Variants in UTRN observed in about 807,000 individuals in gnomAD.
The protein encoded by UTRN is dystrophin-related protein 1.
Under a neutral mutation model 463.9 loss-of-function variants are expected in UTRN, and 283 were observed. The observed-to-expected ratio is 0.61, with a 90% CI of 0.55 to 0.67. UTRN has a LOEUF of 0.67. Among genes scored for constraint, UTRN ranks in the 30% least tolerant of loss-of-function variants. UTRN has a pLI of 0.00. For synonymous variants in UTRN, 1,442 were observed against 1,431.5 expected (o/e 1.01, Z -0.17); for missense variants, 3,922 against 4,084.3 (o/e 0.96, Z 1.08).
At chr6:144,461,792 T>C (rs1789443693) in intron 22 of UTRN, among the ~76,000 whole-genome samples, 1 of 152,162 alleles carries the variant, frequency 6.6e-6, no homozygotes, top group Non-Finnish European at 1.5e-5. Context: ...GTTCCCTTGG[T>C]TTTTAGGGTT....
intron 46 of UTRN, among the ~76,000 whole-genome samples, chr6:144,548,359 A>C (rs1798594723): frequency 6.6e-6 from 1 of 152,342 alleles, no homozygotes; most frequent in African/African-American, 2.4e-5. Context: ...ATAAAATAAT[A>C]CTTCCAGTTC....
intron 53 of UTRN, among the ~76,000 whole-genome samples, chr6:144,703,121 G>T (rs561397313): frequency 1.6e-4 from 24 of 152,208 alleles, no homozygotes; most frequent in African/African-American, 5.3e-4. Context: ...GAAGACATTT[G>T]GAAAGAATCA....
chr6:144,630,198 TA>T (rs1776367913), intron 51 of UTRN, among the ~76,000 whole-genome samples: 2 of 151,788 alleles, frequency 1.3e-5, no homozygotes, highest in East Asian at 3.9e-4. Context: ...AAAAAATAAA[TA>T]AAAAATGAAG....
At chr6:144,824,593 TATATATATATATATATATA>T (rs1562954873) in intron 66 of UTRN, among the ~76,000 whole-genome samples, 6 of 57,668 alleles carry the variant, frequency 1.0e-4, no homozygotes, top group East Asian at 7.7e-4. Flanking sequence ...TATATATATA[TATATATATATATATATATA>T]TCTTTTTTTT....
intron 61 of UTRN, 141 bp downstream of exon 61, chr6:144,782,264 C>CATTCATATTTA (rs1775898544): frequency 2.8e-6 from 2 of 703,008 alleles, no homozygotes; most frequent in South Asian, 4.7e-5. Context: ...GTTGTTGAAA[C>CATTCATATTTA]TGAATGATTT....
chr6:144,654,701 C>T (rs1371586291), intron 51 of UTRN, among the ~76,000 whole-genome samples: 1 of 152,204 alleles, frequency 6.6e-6, no homozygotes, highest in Non-Finnish European at 1.5e-5. Context: ...GGCTTGGCCT[C>T]CTGAGATTGT....
intron 2 of UTRN, among the ~76,000 whole-genome samples, chr6:144,338,211 AT>A (rs1776883840): frequency 6.6e-6 from 1 of 152,094 alleles, no homozygotes; most frequent in Non-Finnish European, 1.5e-5. Flanking sequence ...CATAATGAGT[AT>A]TTTTAGACAT....
In UTRN at chr6:144,424,402, T is replaced by C. The variant is rs4896717; in HGVS notation, c.405+324T>C. ...TCCCTGTGTGCATATCTGTCAAATT[T>C]CCTCTTTTTGTAAGGACATCAGTCA... On this transcript the variant is annotated intron_variant, in intron 6 of 74. Transcript: ENST00000367545. Among the ~76,000 whole-genome samples the C allele has an allele frequency of 0.012, 1,821 of 152,298 alleles. 71 individuals are homozygous for C. The East Asian group carries it at 0.14, about 12-fold the overall frequency.
In UTRN at chr6:144,623,554, G is replaced by A. The variant is rs373486605; in HGVS notation, c.7479+46266G>A. Among the ~76,000 whole-genome samples, 142 of 152,262 alleles carry A rather than the reference G, an allele frequency of 9.3e-4. 2 individuals are homozygous for A. The highest frequency in any genetic ancestry group is 6.8e-3 in the Middle Eastern group (2 of 294). Reference sequence around the variant, plus strand: ...GAAGATTGCTTTTAATTTCATTATGGCACACAGAATTTAGTGAAGAAAAAT... The same window carrying A: ...GAAGATTGCTTTTAATTTCATTATGACACACAGAATTTAGTGAAGAAAAAT... On this transcript the variant is annotated intron_variant, in intron 51 of 74. Coordinates refer to ENST00000367545, the MANE Select transcript of UTRN (RefSeq NM_007124.3).
In UTRN at chr6:144,600,298, C is replaced by T. The variant is rs141880264; in HGVS notation, c.7479+23010C>T. Among the ~76,000 whole-genome samples the T allele has an allele frequency of 4.6e-5, 7 of 152,344 alleles. No homozygotes were observed. The East Asian group carries it at 1.2e-3, about 25-fold the overall frequency. ...AATGATTAAGCTTAGCAAGGAAGGA[C>T]TGTCCAAAGTCAGGATAGGTCAAAA... On this transcript the variant is annotated intron_variant, in intron 51 of 74. Transcript: ENST00000367545.
intron 2 of UTRN, among the ~76,000 whole-genome samples, chr6:144,393,909 A>G (rs955044192): frequency 6.6e-6 from 1 of 152,130 alleles, no homozygotes; most frequent in Admixed American, 6.5e-5. Context: ...TCTTTGACCC[A>G]TGAGTTTTTT....
At position 144,821,064 on chromosome 6, in the gene UTRN, G is replaced by C. The variant is rs765629443; in HGVS notation, c.9494+46G>C. The C allele has an allele frequency of 1.3e-5, 20 of 1,578,872 alleles. 1 individual carries two copies. The South Asian group carries it at 2.3e-4, about 19-fold the overall frequency. On this transcript the variant is annotated intron_variant, in intron 66 of 74. Transcript: ENST00000367545. ...AAATCTAGTGTGAACATTTATATCT[G>C]ATGTTGTCTTTTTTATGTTAGTAAC...
Position 144,782,139 on chromosome 6 carries a change from T to C in UTRN, c.8834+16T>C. On this transcript the variant is annotated intron_variant, in intron 61 of 74. Coordinates refer to ENST00000367545, the MANE Select transcript of UTRN (RefSeq NM_007124.3). ...TCTATGACACGTAAGTTTATATTTT[T>C]TCTCATTAAAATACGATCACTGAAT... The C allele has an allele frequency of 6.4e-7, 1 of 1,559,330 alleles. No individual in the cohort carries two copies. The highest frequency in any genetic ancestry group is 8.7e-7 in the Non-Finnish European group (1 of 1,143,334).
Position 144,548,687 on chromosome 6 carries a change from A to G in UTRN, c.6643A>G (p.Ile2215Val), listed in dbSNP as rs116282282. The G allele has an allele frequency of 1.3e-4, 204 of 1,614,076 alleles. 1 individual carries two copies. The East Asian group carries it at 4.5e-3, about 36-fold the overall frequency. The stretch of plus-strand genomic sequence containing the variant: ...GGTGCTAGTATCATCTGCGTCAGAT[A>G]TTCCTGTTCAGTCTCATCGTACTTC... The part of the protein sequence containing the change: ...KVVLVSSASD[I>V]PVQSHRTSEI... The change falls in exon 47 of 75, where the codon ATT becomes GTT. Residue 2215 changes from isoleucine (I) to valine (V), a missense_variant. Coordinates refer to ENST00000367545, the MANE Select transcript of UTRN (RefSeq NM_007124.3).
chr6:144,709,882 T>C (rs1785491356), intron 53 of UTRN, among the ~76,000 whole-genome samples: 1 of 152,230 alleles, frequency 6.6e-6, no homozygotes, highest in Non-Finnish European at 1.5e-5. Flanking sequence ...CCTTTATATG[T>C]ACATAAATGA....
chr6:144,497,513 CAAAA>C (rs527551923), intron 33 of UTRN, among the ~76,000 whole-genome samples: 1 of 110,686 alleles, frequency 9.0e-6, no homozygotes, highest in Non-Finnish European at 2.0e-5. Context: ...CGTCTCTACT[CAAAA>C]AAAAAAAAAA....
intron 51 of UTRN, among the ~76,000 whole-genome samples, chr6:144,639,815 A>G (rs1777585647): frequency 6.6e-6 from 1 of 152,140 alleles, no homozygotes; most frequent in Non-Finnish European, 1.5e-5. Context: ...TCTATATGGA[A>G]GAGGGGCATT....
chr6:144,646,740 A>G (rs1350890012), intron 51 of UTRN, among the ~76,000 whole-genome samples: 2 of 152,206 alleles, frequency 1.3e-5, no homozygotes, highest in East Asian at 3.8e-4. Context: ...AAGATCTGCT[A>G]CATTACAAAA....
chr6:144,488,588 G>T, intron 29 of UTRN, 85 bp from the exon 30 acceptor site: 4 of 1,337,026 alleles, frequency 3.0e-6, no homozygotes, highest in Admixed American at 4.9e-5. Context: ...AGCTTTTATG[G>T]TCTTTTCTTA....
Sources: gnomAD v4.1 joint callset for allele counts (sites outside exome capture counted in the v4.1 genomes callset) on GRCh38, gnomAD v4.1.1 for gene constraint, MANE v1.5 for transcripts, NCBI Gene and HGNC (gene_info 2026-07-23, HGNC 2026-07-21) for gene names.